PCDH9: variants seen among roughly 807,000 people sequenced by gnomAD.
PCDH9 encodes protocadherin-9.
Under a neutral mutation model 70.6 loss-of-function variants are expected in PCDH9, and 24 were observed. That is an observed-to-expected ratio of 0.34 (90% CI 0.25 to 0.48). The LOEUF is 0.48. Ranked by LOEUF, PCDH9 falls within the 20% of genes least tolerant of loss-of-function variation. PCDH9 has a pLI of 0.99. For synonymous variants in PCDH9, 562 were observed against 558.5 expected, an observed-to-expected ratio of 1.01 and a Z score of -0.09; for missense variants, 1,281 against 1,503.6, an observed-to-expected ratio of 0.85 and a Z score of 2.45.
At chr13:66,909,834 C>A (rs373923264) in intron 2 of PCDH9, among the ~76,000 whole-genome samples, 1 of 152,088 alleles carries the variant, frequency 6.6e-6, no homozygotes, top group African/African-American at 2.4e-5. Context: ...TGAATTTATC[C>A]ATTGCACAAA....
chr13:66,690,757 C>T (rs1405557813), intron 3 of PCDH9, among the ~76,000 whole-genome samples: 1 of 152,068 alleles, frequency 6.6e-6, no homozygotes, highest in African/African-American at 2.4e-5. Context: ...TGGTTTTATT[C>T]CCTGAATTCT....
intron 3 of PCDH9, among the ~76,000 whole-genome samples, chr13:66,844,793 C>G (rs1049574648): frequency 6.6e-6 from 1 of 151,996 alleles, no homozygotes; most frequent in Non-Finnish European, 1.5e-5. Flanking sequence ...AAATAAAATC[C>G]AAAAAGCACT....
intron 4 of PCDH9, among the ~76,000 whole-genome samples, chr13:66,544,217 C>T (rs567174146): frequency 3.8e-4 from 58 of 152,206 alleles, no homozygotes; most frequent in Non-Finnish European, 7.2e-4. Context: ...CACTGTTTTT[C>T]GGTCCAGTAT....
chr13:66,818,803 G>A (rs1441980196), intron 3 of PCDH9, among the ~76,000 whole-genome samples: 1 of 151,914 alleles, frequency 6.6e-6, no homozygotes, highest in South Asian at 2.1e-4. Context: ...GCGAGGTGGC[G>A]GGCGCCTATA....
intron 4 of PCDH9, among the ~76,000 whole-genome samples, chr13:66,332,462 A>G (rs1208549680): frequency 1.3e-5 from 2 of 152,080 alleles, no homozygotes; most frequent in East Asian, 1.9e-4. Flanking sequence ...CTGACCTATT[A>G]CTTTTTGGTA....
At chr13:67,213,652 G>A (rs558139141) in intron 2 of PCDH9, 2 of 152,160 alleles carry the variant, frequency 1.3e-5, no homozygotes, top group South Asian at 4.1e-4. Flanking sequence ...ACAAGCAGAA[G>A]CCTAAAGAAA....
intron 2 of PCDH9, among the ~76,000 whole-genome samples, chr13:67,122,197 T>A (rs1401996355): frequency 2.0e-5 from 3 of 152,162 alleles, no homozygotes; most frequent in Non-Finnish European, 1.5e-5. Context: ...GGAAACAATA[T>A]CTTTTGAATG....
At chr13:66,585,274 CT>C (rs1423186231) in intron 4 of PCDH9, among the ~76,000 whole-genome samples, 6 of 151,952 alleles carry the variant, frequency 3.9e-5, no homozygotes, top group African/African-American at 1.4e-4. Context: ...AGAAAATTCT[CT>C]TTGTACTATA....
chr13:66,901,113 T>TA (rs1028811004), intron 3 of PCDH9, among the ~76,000 whole-genome samples: 21 of 151,556 alleles, frequency 1.4e-4, no homozygotes, highest in Admixed American at 5.3e-4. Flanking sequence ...TAGAATGTTT[T>TA]AAAAAAAACT....
intron 2 of PCDH9, among the ~76,000 whole-genome samples, chr13:66,984,820 TTC>T (rs1308505900): frequency 6.6e-6 from 1 of 152,154 alleles, no homozygotes; most frequent in East Asian, 1.9e-4. Context: ...TGTGTATATT[TTC>T]TTTCTGTTTT....
At chr13:66,428,287 A>ATCTGAG (rs1566317793) in intron 4 of PCDH9, among the ~76,000 whole-genome samples, 2 of 151,796 alleles carry the variant, frequency 1.3e-5, no homozygotes, top group African/African-American at 4.8e-5. Flanking sequence ...GAAAACTCTC[A>ATCTGAG]GATAAGTAAA....
chr13:67,063,165 A>T (rs192572614), intron 2 of PCDH9, among the ~76,000 whole-genome samples: 2 of 152,276 alleles, frequency 1.3e-5, no homozygotes, highest in African/African-American at 4.8e-5. Context: ...GTCTTAGCTG[A>T]TGGAGCAAGT....
chr13:66,876,773 T>C (rs533293883), intron 3 of PCDH9: 1 of 152,134 alleles, frequency 6.6e-6, no homozygotes, highest in African/African-American at 2.4e-5. Context: ...TGCAACCTTA[T>C]AGTAAAGAAA....
chr13:66,802,691 A>G (rs1408671452), intron 3 of PCDH9, among the ~76,000 whole-genome samples: 1 of 152,136 alleles, frequency 6.6e-6, no homozygotes, highest in East Asian at 1.9e-4. Flanking sequence ...TTAAAAAACT[A>G]TTAATATTTG....
At chr13:66,803,509 C>A (rs571700911) in intron 3 of PCDH9, among the ~76,000 whole-genome samples, 148 of 152,260 alleles carry the variant, frequency 9.7e-4, no homozygotes, top group Non-Finnish European at 1.5e-3. Flanking sequence ...CCTAACTCCA[C>A]CAATCGCCCC....
At chr13:66,845,712 C>A (rs1040897366) in intron 3 of PCDH9, among the ~76,000 whole-genome samples, 1 of 152,170 alleles carries the variant, frequency 6.6e-6, no homozygotes, top group Admixed American at 6.5e-5. Flanking sequence ...GCTGGCATCA[C>A]GGCAGTGGCT....
chr13:66,641,528 C>T (rs748079321), intron 3 of PCDH9, among the ~76,000 whole-genome samples: 11 of 152,102 alleles, frequency 7.2e-5, no homozygotes, highest in Non-Finnish European at 1.2e-4. Context: ...GACAAATTAC[C>T]GCATTCTCTC....
intron 3 of PCDH9, among the ~76,000 whole-genome samples, chr13:66,890,079 C>A (rs1208990839): frequency 6.6e-6 from 1 of 152,056 alleles, no homozygotes; most frequent in Non-Finnish European, 1.5e-5. Context: ...CTTAGCAGAG[C>A]CCGGGTATCT....
At chr13:66,538,363 C>G (rs571549934) in intron 4 of PCDH9, among the ~76,000 whole-genome samples, 1 of 152,110 alleles carries the variant, frequency 6.6e-6, no homozygotes, top group African/African-American at 2.4e-5. Context: ...CTAGAAAGTT[C>G]GAGGAAATTA....
Sources: gnomAD v4.1 joint callset for allele counts (sites outside exome capture counted in the v4.1 genomes callset) on GRCh38, gnomAD v4.1.1 for gene constraint, MANE v1.5 for transcripts, NCBI Gene and HGNC (gene_info 2026-07-23, HGNC 2026-07-21) for gene names.